The following SCD5 variants were observed in gnomAD, a reference collection of about 807,000 sequenced individuals.
SCD5 encodes stearoyl-CoA desaturase 5.
In SCD5, 20 loss-of-function variants were observed where a neutral mutation model predicts 30.4. The observed-to-expected ratio is 0.66, with a 90% confidence interval of 0.46 to 0.96. The LOEUF is 0.96. SCD5 is among the 40% of genes least tolerant of loss of function. The pLI is 0.00. For missense variants in SCD5, 381 were observed against 443.3 expected (o/e 0.86, Z 1.26); for synonymous variants, 173 against 176.4 (o/e 0.98, Z 0.16).
chr4:82,685,348 T>G (rs537265179), intron 2 of SCD5, among the ~76,000 whole-genome samples: 3 of 152,138 alleles, frequency 2.0e-5, no homozygotes, highest in Non-Finnish European at 4.4e-5. Context: ...TAATATTTTC[T>G]TAGTAGCCAC....
intron 3 of SCD5, among the ~76,000 whole-genome samples, chr4:82,653,011 G>A (rs1727788565): frequency 6.6e-6 from 1 of 152,052 alleles, no homozygotes; most frequent in African/African-American, 2.4e-5. Context: ...AATTAGCTTG[G>A]GTATGGTGGT....
At chr4:82,742,416 A>G (rs575017305) in intron 1 of SCD5, among the ~76,000 whole-genome samples, 1 of 152,370 alleles carries the variant, frequency 6.6e-6, no homozygotes, top group Admixed American at 6.5e-5. Flanking sequence ...AGACCCCAGC[A>G]GCAAGAAACT....
At chr4:82,632,568 G>C (rs1466181037) in intron 4 of SCD5, among the ~76,000 whole-genome samples, 7 of 152,104 alleles carry the variant, frequency 4.6e-5, no homozygotes, top group Admixed American at 6.6e-5. Flanking sequence ...GGGATGGCTG[G>C]GTCAAATGGT....
chr4:82,791,415 G>GAAA (rs34170165), intron 1 of SCD5, among the ~76,000 whole-genome samples: 1 of 142,412 alleles, frequency 7.0e-6, no homozygotes, highest in Non-Finnish European at 1.5e-5. Flanking sequence ...AATAAAATTG[G>GAAA]AAAAAAAAAA....
At chr4:82,637,048 T>C (rs893286592) in intron 3 of SCD5, among the ~76,000 whole-genome samples, 2 of 152,194 alleles carry the variant, frequency 1.3e-5, no homozygotes, top group African/African-American at 2.4e-5. Context: ...ACAGGTAGAA[T>C]GCTATAGGAA....
chr4:82,641,327 A>G (rs1727541593), intron 3 of SCD5, among the ~76,000 whole-genome samples: 2 of 151,590 alleles, frequency 1.3e-5, no homozygotes, highest in African/African-American at 4.8e-5. Flanking sequence ...GAGCAGGGGT[A>G]TACTGGCAGA....
chr4:82,701,367 A>C (rs369930007), intron 2 of SCD5, among the ~76,000 whole-genome samples: 67 of 152,366 alleles, frequency 4.4e-4, no homozygotes, highest in African/African-American at 1.5e-3. Flanking sequence ...CAGCAAATGG[A>C]AAACAGAAAC....
In SCD5 at chr4:82,644,379, C is replaced by T. The variant is rs111695374; in HGVS notation, c.570-7556G>A. On this transcript the variant is annotated intron_variant, in intron 3 of 4. Transcript: ENST00000319540. ...AGTAAACTTTCTACAATGTAATCTC[C>T]ATCTCAGAGCCAGCTTCTAAGGTAA... Among the ~76,000 whole-genome samples the T allele has an allele frequency of 3.5e-3, 531 of 152,312 alleles. 3 individuals carry two copies. Among genetic ancestry groups the T allele is most frequent in the African/African-American group, 0.012 (511 of 41,558 alleles).
intron 1 of SCD5, among the ~76,000 whole-genome samples, chr4:82,739,471 AC>A (rs1388960377): frequency 2.6e-5 from 4 of 151,986 alleles, no homozygotes; most frequent in African/African-American, 9.7e-5. Context: ...TGGGTGCAGC[AC>A]CCCCTGCCGG....
intron 1 of SCD5, among the ~76,000 whole-genome samples, chr4:82,777,514 T>A (rs534391447): frequency 6.6e-6 from 1 of 152,284 alleles, no homozygotes; most frequent in South Asian, 2.1e-4. Context: ...CTATTTCTGG[T>A]CAAAGACAGC....
chr4:82,645,245 T>G (rs1578003024), intron 3 of SCD5, among the ~76,000 whole-genome samples: 1 of 142,888 alleles, frequency 7.0e-6, no homozygotes. Flanking sequence ...ACCCGGGAGG[T>G]GGAGATTGCA....
intron 1 of SCD5, among the ~76,000 whole-genome samples, chr4:82,755,604 T>C (rs1721217959): frequency 6.6e-6 from 1 of 152,212 alleles, no homozygotes; most frequent in Non-Finnish European, 1.5e-5. Flanking sequence ...CAGAGTCCCT[T>C]GGTCAAACAG....
intron 3 of SCD5, among the ~76,000 whole-genome samples, chr4:82,647,987 T>C (rs1460288402): frequency 6.6e-6 from 1 of 152,244 alleles, no homozygotes; most frequent in East Asian, 1.9e-4. Context: ...TTAACCTGGG[T>C]TCCCCAGATG....
rs1445648039 is a variant in SCD5, at chr4:82,705,272, T to G, written c.363+11A>C. ...GGGTCTCCCAACACAGAGAGGACCC[T>G]CCATCCTCACCTGGAAAGCCATGGA... On this transcript the variant is annotated intron_variant, in intron 2 of 4. Coordinates refer to ENST00000319540, the MANE Select transcript of SCD5 (RefSeq NM_001037582.3). 1 of 1,613,958 alleles carries G rather than the reference T, an allele frequency of 6.2e-7. No individual in the cohort carries two copies. The highest frequency in any genetic ancestry group is 1.7e-5 in the Admixed American group (1 of 60,018).
chr4:82,689,251 T>C (rs1293180430), intron 2 of SCD5, among the ~76,000 whole-genome samples: 1 of 152,132 alleles, frequency 6.6e-6, no homozygotes, highest in Non-Finnish European at 1.5e-5. Flanking sequence ...GCTTAAAAAA[T>C]GATGGGGCAT....
At chr4:82,677,543 G>T (rs1560531046) in intron 3 of SCD5, among the ~76,000 whole-genome samples, 1 of 152,330 alleles carries the variant, frequency 6.6e-6, no homozygotes, top group East Asian at 1.9e-4. Context: ...GACCGGTAAA[G>T]CCAGCTTCAC....
intron 3 of SCD5, chr4:82,660,522 A>G: frequency 9.0e-7 from 1 of 1,116,840 alleles, no homozygotes; most frequent in Non-Finnish European, 1.1e-6. Flanking sequence ...ATGTGTAGTT[A>G]ATAACACAAA....
intron 1 of SCD5, among the ~76,000 whole-genome samples, chr4:82,781,415 C>CAAAA (rs113300695): frequency 7.7e-6 from 1 of 129,654 alleles, no homozygotes; most frequent in African/African-American, 2.8e-5. Flanking sequence ...GACTCTGTCT[C>CAAAA]AAAAAAAAAA....
intron 1 of SCD5, chr4:82,776,240 T>C (rs1434431558): frequency 5.9e-5 from 9 of 152,230 alleles, no homozygotes; most frequent in African/African-American, 2.2e-4. Context: ...CCAAGTGCTC[T>C]GGTGTAAAGT....
Sources: gnomAD v4.1 joint callset for allele counts (sites outside exome capture counted in the v4.1 genomes callset) on GRCh38, gnomAD v4.1.1 for gene constraint, MANE v1.5 for transcripts, NCBI Gene and HGNC (gene_info 2026-07-23, HGNC 2026-07-21) for gene names.